Variants in DLC1 observed in about 807,000 individuals in gnomAD.
The protein encoded by DLC1 is rho GTPase-activating protein 7.
Under a neutral mutation model 140.3 loss-of-function variants are expected in DLC1, and 54 were observed. That is an observed-to-expected ratio of 0.38 (90% confidence interval 0.31 to 0.48). DLC1 has a LOEUF of 0.48. Among genes scored for constraint, DLC1 ranks in the 20% least tolerant of loss-of-function variants. The pLI is 0.96. For missense variants in DLC1, 2,536 were observed against 1,907.0 expected (o/e 1.33, Z -6.14); for synonymous variants, 986 against 728.1 (o/e 1.35, Z -5.70).
intron 2 of DLC1, among the ~76,000 whole-genome samples, chr8:13,420,956 C>A (rs1474231088): frequency 6.6e-6 from 1 of 152,090 alleles, no homozygotes; most frequent in African/African-American, 2.4e-5. Context: ...AGTTTGAGCT[C>A]TTGGACGCTT....
rs768605770 is a variant in DLC1, at chr8:13,483,422, G to T, written c.1023+15627C>A. ...AGATGGTTCCAATCCAGTGTGACAGGTGCTATGCTAGGGCACGTACTTGCA... is the reference window on the plus strand; with the variant it reads ...AGATGGTTCCAATCCAGTGTGACAGTTGCTATGCTAGGGCACGTACTTGCA... On this transcript the variant is annotated intron_variant, in intron 2 of 17. Transcript: ENST00000276297. Among the ~76,000 whole-genome samples, 62 of 152,284 alleles carry T rather than the reference G, an allele frequency of 4.1e-4. 1 individual carries two copies. The Middle Eastern group carries it at 0.014, about 33-fold the overall frequency.
intron 2 of DLC1, among the ~76,000 whole-genome samples, chr8:13,439,634 A>G (rs151031452): frequency 4.2e-4 from 64 of 152,330 alleles, no homozygotes; most frequent in African/African-American, 1.3e-3. Flanking sequence ...TTTCATCGAT[A>G]AAATCTAGAC....
intron 5 of DLC1, among the ~76,000 whole-genome samples, chr8:13,254,681 A>T (rs1016474840): frequency 1.3e-5 from 2 of 151,474 alleles, no homozygotes; most frequent in African/African-American, 4.9e-5. Flanking sequence ...AGAATGACAG[A>T]AAGATCCAAA....
intron 5 of DLC1, among the ~76,000 whole-genome samples, chr8:13,266,866 G>C (rs997737819): frequency 2.6e-5 from 4 of 152,214 alleles, no homozygotes; most frequent in African/African-American, 9.6e-5. Flanking sequence ...TAGAAGGCCT[G>C]ATAACTAATG....
At chr8:13,351,072 G>A (rs1348243783) in intron 4 of DLC1, among the ~76,000 whole-genome samples, 4 of 152,160 alleles carry the variant, frequency 2.6e-5, no homozygotes, top group African/African-American at 4.8e-5. Flanking sequence ...TAAGGTAGAG[G>A]ACTCTCATGT....
chr8:13,354,595 C>G (rs1166697999), intron 4 of DLC1, among the ~76,000 whole-genome samples: 1 of 152,046 alleles, frequency 6.6e-6, no homozygotes, highest in Non-Finnish European at 1.5e-5. Flanking sequence ...TTTCACTTTT[C>G]GGAATGCCAC....
intron 4 of DLC1, among the ~76,000 whole-genome samples, chr8:13,351,095 T>G (rs2117030306): frequency 6.6e-6 from 1 of 152,332 alleles, no homozygotes; most frequent in South Asian, 2.1e-4. Context: ...TAAGGTTTTC[T>G]TCCATGGTTT....
intron 2 of DLC1, among the ~76,000 whole-genome samples, chr8:13,432,659 C>T (rs936588792): frequency 6.6e-6 from 1 of 152,086 alleles, no homozygotes; most frequent in East Asian, 1.9e-4. Context: ...TGTAAAGTGC[C>T]TCAGTGAAAA....
At chr8:13,136,600 T>C (rs920080099) in intron 5 of DLC1, among the ~76,000 whole-genome samples, 3 of 152,210 alleles carry the variant, frequency 2.0e-5, no homozygotes, top group Non-Finnish European at 2.9e-5. Context: ...CGAATGTCTG[T>C]GCATCCCACT....
intron 5 of DLC1, among the ~76,000 whole-genome samples, chr8:13,207,527 T>C (rs543871813): frequency 5.3e-5 from 8 of 152,324 alleles, no homozygotes; most frequent in African/African-American, 1.9e-4. Context: ...TAAAAGTTAT[T>C]CATTATAACA....
chr8:13,523,654 C>G (rs1391825779), intron 1 of DLC1, among the ~76,000 whole-genome samples: 1 of 152,016 alleles, frequency 6.6e-6, no homozygotes, highest in African/African-American at 2.4e-5. Context: ...TTTAAGAAAG[C>G]AGAGGTCACT....
intron 5 of DLC1, among the ~76,000 whole-genome samples, chr8:13,136,133 G>C (rs1822546183): frequency 6.6e-6 from 1 of 152,180 alleles, no homozygotes; most frequent in Admixed American, 6.5e-5. Flanking sequence ...GTTGAAAGCA[G>C]GACTTTTAGA....
intron 2 of DLC1, among the ~76,000 whole-genome samples, chr8:13,412,855 C>A (rs1469432440): frequency 2.0e-5 from 3 of 149,890 alleles, no homozygotes; most frequent in Non-Finnish European, 2.9e-5. Flanking sequence ...TGGCGTGAAC[C>A]CAGGAGGCGG....
At chr8:13,567,455 A>T (rs1367663100) in intron 1 of DLC1, 8 of 1,552,128 alleles carry the variant, frequency 5.2e-6, no homozygotes, top group Non-Finnish European at 7.0e-6. Context: ...CTTGGATTGG[A>T]TGTAGAGGCT....
At chr8:13,339,202 G>A (rs1729113) in intron 4 of DLC1, among the ~76,000 whole-genome samples, 122,317 of 152,144 alleles carry the variant, frequency 0.8, 50,266 homozygotes, top group East Asian at 0.97. Flanking sequence ...AATGATGCAC[G>A]TAAGAAAAAA....
At chr8:13,550,555 T>C (rs1017271326) in intron 1 of DLC1, among the ~76,000 whole-genome samples, 2 of 152,236 alleles carry the variant, frequency 1.3e-5, no homozygotes, top group Non-Finnish European at 2.9e-5. Flanking sequence ...TAAAGAAATA[T>C]ATACGGAGGC....
chr8:13,115,552 T>C (rs1437659954), intron 6 of DLC1, 34 bp downstream of exon 6: 4 of 1,593,884 alleles, frequency 2.5e-6, no homozygotes, highest in African/African-American at 2.7e-5. Context: ...ATTATGATTA[T>C]GCCAACTTTT....
At chr8:13,574,740 T>C (rs1344507845) in intron 1 of DLC1, among the ~76,000 whole-genome samples, 1 of 152,198 alleles carries the variant, frequency 6.6e-6, no homozygotes, top group Non-Finnish European at 1.5e-5. Context: ...ACTCTTGAGA[T>C]AGAAGTGGTG....
At chr8:13,488,488 G>C (rs559811585) in intron 2 of DLC1, among the ~76,000 whole-genome samples, 1 of 152,260 alleles carries the variant, frequency 6.6e-6, no homozygotes, top group East Asian at 1.9e-4. Context: ...CTAAAAAATA[G>C]AAGTTTGAAG....
Sources: gnomAD v4.1 joint callset for allele counts (sites outside exome capture counted in the v4.1 genomes callset) on GRCh38, gnomAD v4.1.1 for gene constraint, MANE v1.5 for transcripts, NCBI Gene and HGNC (gene_info 2026-07-23, HGNC 2026-07-21) for gene names.